Variants in CEP85L observed in about 807,000 individuals in gnomAD.
CEP85L encodes centrosomal protein 85L, also known as centrosomal protein of 85 kDa-like.
A neutral mutation model predicts 100.3 loss-of-function variants in CEP85L; 60 were observed. The observed-to-expected ratio is 0.60, with a 90% confidence interval of 0.49 to 0.74. The LOEUF (loss-of-function observed/expected upper bound fraction) is 0.74, where lower values mean the gene tolerates loss of function less well. Among genes scored for constraint, CEP85L ranks in the 30% least tolerant of loss-of-function variants. The pLI is 0.00. For synonymous variants in CEP85L, 319 were observed against 322.7 expected (o/e 0.99, Z 0.12); for missense variants, 973 against 936.2 (o/e 1.04, Z -0.51).
chr6:118,674,009 A>G (rs1160239881), intron 1 of CEP85L, among the ~76,000 whole-genome samples: 1 of 152,360 alleles, frequency 6.6e-6, no homozygotes, highest in Admixed American at 6.5e-5. Flanking sequence ...GCAAAATTTA[A>G]CACTAAATTG....
At chr6:118,632,307 A>T in intron 2 of CEP85L, 146 bp downstream of exon 2, 1 of 662,510 alleles carries the variant, frequency 1.5e-6, no homozygotes, top group Non-Finnish European at 2.3e-6. Flanking sequence ...GGACAATTTT[A>T]TTTGATATAC....
chr6:118,592,389 A>C (rs1781241834), intron 2 of CEP85L, among the ~76,000 whole-genome samples: 1 of 147,988 alleles, frequency 6.8e-6, no homozygotes, highest in Non-Finnish European at 1.5e-5. Context: ...CCTCAAAAGG[A>C]CTCCATAATA....
intron 1 of CEP85L, among the ~76,000 whole-genome samples, chr6:118,659,483 A>T (rs1350662205): frequency 1.3e-5 from 2 of 152,206 alleles, no homozygotes; most frequent in Non-Finnish European, 2.9e-5. Flanking sequence ...ATACTGCGAA[A>T]GATAGCTGAA....
Position 118,680,305 on chromosome 6 carries a change from GCTTTTTTT to G in CEP85L, c.-27-27505_-27-27498del, listed in dbSNP as rs1212366066. On this transcript the variant is annotated intron_variant, in intron 1 of 13. Transcript: ENST00000368488. ...AAAAAAAGAATCTTTCCTTGGTGTT[GCTTTTTTT>G]TTTTTTTTTTTTTTTTTGACAAAGT... Among the ~76,000 whole-genome samples, 96 of 85,596 alleles carry G rather than the reference GCTTTTTTT, an allele frequency of 1.1e-3. 3 individuals carry two copies. Among genetic ancestry groups the G allele is most frequent in the East Asian group, 5.3e-3 (16 of 3,016 alleles). 56.2% of individuals were successfully genotyped at this position (85,596 alleles called of 152,430 possible).
intron 1 of CEP85L, among the ~76,000 whole-genome samples, chr6:118,667,744 T>C (rs1252019289): frequency 6.6e-6 from 1 of 151,850 alleles, no homozygotes; most frequent in African/African-American, 2.4e-5. Flanking sequence ...TAAACCTAGG[T>C]CATTACTCCC....
intron 1 of CEP85L, among the ~76,000 whole-genome samples, chr6:118,699,665 A>C (rs1313713663): frequency 6.6e-6 from 1 of 151,936 alleles, no homozygotes; most frequent in African/African-American, 2.4e-5. Flanking sequence ...TACCAGCTCT[A>C]GTGCTATTAT....
At chr6:118,590,343 A>G (rs1046202948) in intron 2 of CEP85L, among the ~76,000 whole-genome samples, 16 of 152,184 alleles carry the variant, frequency 1.1e-4, no homozygotes, top group African/African-American at 2.9e-4. Context: ...TGAGGGGCTG[A>G]GCCGGCAAGC....
chr6:118,517,529 T>G (rs1776352049), intron 4 of CEP85L, among the ~76,000 whole-genome samples: 1 of 152,230 alleles, frequency 6.6e-6, no homozygotes, highest in Non-Finnish European at 1.5e-5. Context: ...CACTCATGAT[T>G]TGCCTCTCTG....
chr6:118,489,600 G>A (rs1343128516), intron 6 of CEP85L, among the ~76,000 whole-genome samples: 2 of 151,966 alleles, frequency 1.3e-5, no homozygotes, highest in African/African-American at 2.4e-5. Context: ...AAACCATCTC[G>A]TGCCTGTTAG....
At chr6:118,545,565 T>G (rs543424444) in intron 3 of CEP85L, among the ~76,000 whole-genome samples, 5 of 152,174 alleles carry the variant, frequency 3.3e-5, no homozygotes, top group Admixed American at 3.3e-4. Flanking sequence ...CGGGGCTGAG[T>G]AACAGAGTGA....
chr6:118,617,864 G>A (rs763510568), intron 2 of CEP85L, among the ~76,000 whole-genome samples: 16 of 152,112 alleles, frequency 1.1e-4, no homozygotes, highest in Non-Finnish European at 1.6e-4. Flanking sequence ...AGTACCCTCG[G>A]ACCTCTTTTG....
chr6:118,531,301 T>G (rs971026435), intron 3 of CEP85L, among the ~76,000 whole-genome samples: 1 of 152,166 alleles, frequency 6.6e-6, no homozygotes, highest in African/African-American at 2.4e-5. Context: ...AATAACTGGC[T>G]AGCCATACAC....
At chr6:118,692,971 TAGAATTGGGCCTAAA>T (rs1428812352) in intron 1 of CEP85L, among the ~76,000 whole-genome samples, 1 of 152,160 alleles carries the variant, frequency 6.6e-6, no homozygotes, top group Non-Finnish European at 1.5e-5. Context: ...TACCTCAGAT[TAGAATTGGGCCTAAA>T]AAAGAGGCAT....
chr6:118,578,938 C>T (rs1780405012), intron 2 of CEP85L, among the ~76,000 whole-genome samples: 2 of 152,060 alleles, frequency 1.3e-5, no homozygotes, highest in African/African-American at 2.4e-5. Flanking sequence ...CTCTGTCACC[C>T]AGGCTGGTGT....
chr6:118,692,735 T>TTTAAAAAAAA (rs1777084691), intron 1 of CEP85L, among the ~76,000 whole-genome samples: 2 of 152,352 alleles, frequency 1.3e-5, no homozygotes, highest in Non-Finnish European at 2.9e-5. Context: ...GAGATGGCAG[T>TTTAAAAAAAA]GAGCTAGTTA....
At chr6:118,689,133 T>C (rs1447675120) in intron 1 of CEP85L, among the ~76,000 whole-genome samples, 1 of 152,190 alleles carries the variant, frequency 6.6e-6, no homozygotes, top group Non-Finnish European at 1.5e-5. Context: ...TGGGATTACC[T>C]CGCCACTACA....
In CEP85L at chr6:118,481,846, G is replaced by C. The variant is rs568077051; in HGVS notation, c.1678C>G (p.Gln560Glu). The change falls in exon 8 of 13, where the codon CAA becomes GAA. Residue 560 changes from glutamine (Q) to glutamate (E), a missense_variant. Gln to Glu is a conservative substitution (Grantham distance 29). Coordinates refer to ENST00000368491, the MANE Select transcript of CEP85L (RefSeq NM_001042475.3). Reference protein sequence around the residue: ...KKLEEIKKQCQDKETQLICQK... With the variant: ...KKLEEIKKQCEDKETQLICQK... ...CATATTAACTGTGTCTCTTTATCTT[G>C]ACACTGCTTTTTGATCTCTTCAAGT... The C allele has an allele frequency of 1.1e-5, 17 of 1,595,620 alleles. No individual in the cohort carries two copies. The African/African-American group carries it at 2.3e-4, about 22-fold the overall frequency.
intron 2 of CEP85L, among the ~76,000 whole-genome samples, chr6:118,617,660 G>A (rs888162771): frequency 7.9e-5 from 12 of 152,298 alleles, no homozygotes; most frequent in African/African-American, 2.9e-4. Flanking sequence ...CTTCCATGCT[G>A]TGGAAGCTTT....
chr6:118,548,435 A>G (rs1231189272), intron 3 of CEP85L: 9 of 152,112 alleles, frequency 5.9e-5, no homozygotes, highest in Non-Finnish European at 1.3e-4. Context: ...CTTACTTTCT[A>G]TAATTCTTAA....
Sources: allele counts gnomAD v4.1 joint callset (sites outside exome capture counted in the v4.1 genomes callset), GRCh38; gene constraint gnomAD v4.1.1; transcripts MANE v1.5; gene names NCBI Gene and HGNC (gene_info 2026-07-23, HGNC 2026-07-21).